GRK3: variants seen among roughly 807,000 people sequenced by gnomAD.
GRK3 encodes the protein adrenergic, beta, receptor kinase 2.
Under a neutral mutation model 95.7 loss-of-function variants are expected in GRK3, and 54 were observed. The observed-to-expected ratio is 0.56, with a 90% CI of 0.45 to 0.71. GRK3 has a LOEUF of 0.71. Among genes scored for constraint, GRK3 ranks in the 30% least tolerant of loss-of-function variants. The pLI, the probability that GRK3 is intolerant of heterozygous loss-of-function variation, is 0.00. For synonymous variants in GRK3, 281 were observed against 290.8 expected, an observed-to-expected ratio of 0.97 and a Z score of 0.34; for missense variants, 649 against 851.2, an observed-to-expected ratio of 0.76 and a Z score of 2.96.
At chr22:25,621,311 C>A (rs2084584385) in intron 2 of GRK3, among the ~76,000 whole-genome samples, 1 of 152,192 alleles carries the variant, frequency 6.6e-6, no homozygotes. Flanking sequence ...AACAAAGAAA[C>A]CTCTGGGTTA....
rs537576025 is a variant in GRK3 at position 25,661,665 on chromosome 22, T to C, written c.354T>C (p.Leu118=). 4 of 1,606,848 alleles carry C rather than the reference T, an allele frequency of 2.5e-6. No individual in the cohort carries two copies. The highest frequency in any genetic ancestry group is 2.2e-5 in the South Asian group (2 of 90,604). ...ATGCCTACATCATGAAGGAACTTCT[T>C]TCCTGTTCACATGTAAGTATTTCTT... is the stretch of plus-strand genomic sequence containing the variant. ...IYDAYIMKEL[L]SCSHPFSKQA... The change falls in exon 4 of 21, where the codon CTT becomes CTC. Residue 118 remains leucine (L), a synonymous_variant. Coordinates refer to ENST00000324198, the MANE Select transcript of GRK3 (RefSeq NM_005160.4).
chr22:25,648,608 A>C, intron 3 of GRK3: 1 of 1,162,266 alleles, frequency 8.6e-7, no homozygotes, highest in South Asian at 1.2e-5. Flanking sequence ...TTGTTCCACT[A>C]TATGCTGTTG....
intron 19 of GRK3, among the ~76,000 whole-genome samples, chr22:25,720,856 G>A (rs1308672933): frequency 6.6e-6 from 1 of 152,136 alleles, no homozygotes; most frequent in Non-Finnish European, 1.5e-5. Context: ...TAGCTTACAA[G>A]CTGACATCAG....
intron 1 of GRK3, among the ~76,000 whole-genome samples, chr22:25,569,761 GTAA>G (rs1302068259): frequency 6.6e-6 from 1 of 152,222 alleles, no homozygotes; most frequent in African/African-American, 2.4e-5. Context: ...CGTCCATGAT[GTAA>G]TAATGTAATA....
chr22:25,700,467 A>G (rs887715428), intron 13 of GRK3, among the ~76,000 whole-genome samples: 3 of 152,196 alleles, frequency 2.0e-5, no homozygotes, highest in African/African-American at 7.2e-5. Flanking sequence ...GGGAGAACTG[A>G]GTGCTGCTGG....
chr22:25,607,743 A>ATTTT (rs35551345), intron 2 of GRK3, among the ~76,000 whole-genome samples: 2 of 138,554 alleles, frequency 1.4e-5, no homozygotes, highest in African/African-American at 5.4e-5. Context: ...TACCCAGCTA[A>ATTTT]TTTTTTTTTT....
At chr22:25,673,988 A>G (rs2085005997) in intron 7 of GRK3, among the ~76,000 whole-genome samples, 2 of 152,032 alleles carry the variant, frequency 1.3e-5, no homozygotes, top group Non-Finnish European at 2.9e-5. Flanking sequence ...TCATGAACAC[A>G]TAGATGCCCC....
chr22:25,566,396 T>A (rs1390086682), intron 1 of GRK3, among the ~76,000 whole-genome samples: 5 of 152,252 alleles, frequency 3.3e-5, no homozygotes, highest in Admixed American at 2.6e-4. Flanking sequence ...TTTTTACAAG[T>A]CATCCATGAG....
rs548044334 is a variant in GRK3, at chr22:25,607,173, T to C, written c.190+2720T>C. ...CTATACTTTGTTTTCCCATCCCGTC[T>C]TTTTTTGTGGTTACTGAATTAACAA... On this transcript the variant is annotated intron_variant, in intron 2 of 20. Transcript: ENST00000324198. 2.0e-5 allele frequency among the ~76,000 whole-genome samples: 3 copies of C among 152,280 alleles called. No individual in the cohort carries two copies. The South Asian group carries it at 6.2e-4, about 32-fold the overall frequency.
intron 1 of GRK3, among the ~76,000 whole-genome samples, chr22:25,573,135 T>C (rs1931765701): frequency 6.6e-6 from 1 of 152,242 alleles, no homozygotes; most frequent in Non-Finnish European, 1.5e-5. Flanking sequence ...TAGCTCAAGA[T>C]GCCTTTTATA....
At chr22:25,713,067 T>C (rs1461481152) in intron 17 of GRK3, among the ~76,000 whole-genome samples, 2 of 152,206 alleles carry the variant, frequency 1.3e-5, no homozygotes, top group African/African-American at 4.8e-5. Context: ...GTGGGCTCAG[T>C]CATAAAGATC....
intron 1 of GRK3, among the ~76,000 whole-genome samples, chr22:25,570,138 A>G (rs1313541847): frequency 2.0e-5 from 3 of 152,240 alleles, no homozygotes; most frequent in Non-Finnish European, 4.4e-5. Flanking sequence ...ACGAGTCCTC[A>G]GAGACTGATA....
At chr22:25,708,930 A>G (rs1051833275) in intron 15 of GRK3, among the ~76,000 whole-genome samples, 5 of 151,820 alleles carry the variant, frequency 3.3e-5, no homozygotes, top group Admixed American at 3.3e-4. Context: ...CCAAAGTGCT[A>G]AGATTACAGG....
chr22:25,603,135 T>C (rs1392220784), intron 1 of GRK3, among the ~76,000 whole-genome samples: 1 of 152,206 alleles, frequency 6.6e-6, no homozygotes, highest in Non-Finnish European at 1.5e-5. Context: ...CAGAATGGTC[T>C]TGAACTCCTG....
intron 10 of GRK3, among the ~76,000 whole-genome samples, chr22:25,685,699 C>G (rs1448815227): frequency 6.6e-6 from 1 of 152,174 alleles, no homozygotes; most frequent in Non-Finnish European, 1.5e-5. Flanking sequence ...TAAATCTGCA[C>G]TACTGTACAT....
At chr22:25,600,164 T>C (rs1197281971) in intron 1 of GRK3, among the ~76,000 whole-genome samples, 1 of 150,480 alleles carries the variant, frequency 6.6e-6, no homozygotes, top group African/African-American at 2.5e-5. Flanking sequence ...TTTTTTTTTT[T>C]GAGATGGAGT....
At position 25,566,096 on chromosome 22, in the gene GRK3, T is replaced by A. The variant is rs181395234; in HGVS notation, c.113+943T>A. On this transcript the variant is annotated intron_variant, in intron 1 of 20. Transcript: ENST00000324198. Reference sequence around the variant, plus strand: ...TAGTTTGTCTGGTTAATAGTGAGTTTTAAATAACGTATCAAGGCTTCAGTG... The same window carrying A: ...TAGTTTGTCTGGTTAATAGTGAGTTATAAATAACGTATCAAGGCTTCAGTG... Among the ~76,000 whole-genome samples the A allele has an allele frequency of 7.9e-5, 12 of 152,344 alleles. No homozygotes were observed. In the East Asian group the frequency reaches 2.3e-3, roughly 29 times the overall value.
intron 9 of GRK3, chr22:25,684,398 C>T (rs2085097543): frequency 6.6e-6 from 1 of 152,208 alleles, no homozygotes; most frequent in Non-Finnish European, 1.5e-5. Flanking sequence ...ATTAAGATTG[C>T]ATGGCATCTA....
At chr22:25,605,830 G>T (rs1385396792) in intron 2 of GRK3, among the ~76,000 whole-genome samples, 2 of 152,228 alleles carry the variant, frequency 1.3e-5, no homozygotes, top group Non-Finnish European at 1.5e-5. Flanking sequence ...ATCACACACT[G>T]TGTGTCCTTT....
Sources: gnomAD v4.1 joint callset for allele counts (sites outside exome capture counted in the v4.1 genomes callset) on GRCh38, gnomAD v4.1.1 for gene constraint, MANE v1.5 for transcripts, NCBI Gene and HGNC (gene_info 2026-07-23, HGNC 2026-07-21) for gene names.